TCTN3: variants seen among roughly 807,000 people sequenced by gnomAD.
TCTN3 encodes tectonic family member 3, also known as tectonic-3.
TCTN3 carries 57 observed loss-of-function variants against 71.3 expected under a neutral mutation model. That is an observed-to-expected ratio of 0.80 (90% confidence interval 0.65 to 1.00). TCTN3 has a LOEUF of 1.00. Ranked by LOEUF, TCTN3 falls within the 50% of genes least tolerant of loss-of-function variation. The probability of loss-of-function intolerance (pLI) is 0.00; values close to 1 mark genes in which losing one functional copy is unlikely to be tolerated. For synonymous variants in TCTN3, 258 were observed against 267.8 expected (o/e 0.96, Z 0.36); for missense variants, 696 against 719.9 (o/e 0.97, Z 0.38).
At chr10:95,679,836 C>T (rs893577829) in intron 13 of TCTN3, among the ~76,000 whole-genome samples, 4 of 151,954 alleles carry the variant, frequency 2.6e-5, no homozygotes, top group African/African-American at 9.7e-5. Context: ...GTGATCCGCC[C>T]GCCTCGGCCT....
intron 3 of TCTN3, among the ~76,000 whole-genome samples, chr10:95,689,794 C>T (rs767353751): frequency 9.2e-5 from 14 of 152,110 alleles, no homozygotes; most frequent in Admixed American, 6.5e-5. Flanking sequence ...AGCCTACAGA[C>T]CATCTGACCT....
At chr10:95,677,486 T>TTTTG (rs1555269142) in intron 13 of TCTN3, among the ~76,000 whole-genome samples, 35 of 133,756 alleles carry the variant, frequency 2.6e-4, no homozygotes, top group East Asian at 1.8e-3. Flanking sequence ...TTTTTTTGTT[T>TTTTG]TTTTTTTTTT....
chr10:95,677,345 G>C (rs1355732094), intron 13 of TCTN3, among the ~76,000 whole-genome samples: 1 of 152,000 alleles, frequency 6.6e-6, no homozygotes, highest in Non-Finnish European at 1.5e-5. Context: ...TACCTCATGG[G>C]TTTGTTGTGA....
At chr10:95,668,619 G>GA (rs1405280004) in intron 13 of TCTN3, among the ~76,000 whole-genome samples, 1 of 149,404 alleles carries the variant, frequency 6.7e-6, no homozygotes, top group Admixed American at 6.9e-5. Context: ...GTGAACTAAA[G>GA]AAAAAAAATA....
chr10:95,665,048 C>G (rs561297753), intron 13 of TCTN3, among the ~76,000 whole-genome samples: 1 of 152,328 alleles, frequency 6.6e-6, no homozygotes, highest in Non-Finnish European at 1.5e-5. Context: ...TCTTTGGCAA[C>G]AGTAAGTACC....
chr10:95,691,836 A>G (rs1291561640), intron 3 of TCTN3, among the ~76,000 whole-genome samples: 1 of 152,202 alleles, frequency 6.6e-6, no homozygotes, highest in Non-Finnish European at 1.5e-5. Context: ...GAGCGCTTTC[A>G]TATACAAAGC....
At chr10:95,686,742 A>G (rs1036512908) in intron 6 of TCTN3, among the ~76,000 whole-genome samples, 2 of 152,164 alleles carry the variant, frequency 1.3e-5, no homozygotes, top group East Asian at 1.9e-4. Flanking sequence ...TGTGATGCCT[A>G]TTTACTCTGA....
chr10:95,664,373 A>G, intron 13 of TCTN3, 73 bp from the exon 14 acceptor site: 1 of 1,251,820 alleles, frequency 8.0e-7, no homozygotes, highest in Non-Finnish European at 1.2e-6. Context: ...GGCTGTTATT[A>G]TTACTTTCCC....
Position 95,664,001 on chromosome 10 carries a change from G to C in TCTN3, c.*66C>G. ...TCATGAGCAGGTGAGGTTCTATTTA[G>C]CCAAGATAAGTGGCTGCCTCAGAGT... is the stretch of plus-strand genomic sequence containing the variant. On this transcript the variant is annotated 3_prime_UTR_variant, in exon 14 of 14. Transcript: ENST00000371217. The C allele has an allele frequency of 1.4e-6, 2 of 1,391,184 alleles. No homozygotes were observed. The highest frequency in any genetic ancestry group is 1.8e-4 in the Middle Eastern group (1 of 5,572). 86.2% of individuals were successfully genotyped at this position (1,391,184 alleles called of 1,614,324 possible). A position where few individuals can be genotyped will look rare whatever the true frequency, so the allele number is the denominator to read the frequency against.
chr10:95,682,386 A>C lies in TCTN3; in HGVS notation c.1452+265T>G, dbSNP rs2097943856. On this transcript the variant is annotated intron_variant, in intron 12 of 13. Transcript: ENST00000371217. ...GTGCCTGCAGTCCCAGCTACTCGGG[A>C]GGCTGAGTGAGGCAGGAGAATCCCT... Among the ~76,000 whole-genome samples, 5 of 151,954 alleles carry C rather than the reference A, an allele frequency of 3.3e-5. No homozygotes were observed. The South Asian group carries it at 1.0e-3, about 32-fold the overall frequency.
intron 3 of TCTN3, among the ~76,000 whole-genome samples, chr10:95,689,908 G>A (rs1172965825): frequency 6.6e-6 from 1 of 152,138 alleles, no homozygotes; most frequent in Non-Finnish European, 1.5e-5. Flanking sequence ...TATTCCTGGT[G>A]TTTTTTCCCC....
intron 13 of TCTN3, among the ~76,000 whole-genome samples, chr10:95,670,134 G>A (rs186017284): frequency 4.0e-4 from 60 of 150,208 alleles, no homozygotes; most frequent in Admixed American, 1.4e-3. Context: ...CCATCACATG[G>A]TAATTAGGAT....
At chr10:95,665,359 A>G (rs1192297885) in intron 13 of TCTN3, among the ~76,000 whole-genome samples, 1 of 151,990 alleles carries the variant, frequency 6.6e-6, no homozygotes, top group Admixed American at 6.6e-5. Flanking sequence ...GCTCACTGCA[A>G]CCTCTGCCTC....
At chr10:95,682,861 A>G in intron 11 of TCTN3, 57 bp from the exon 12 acceptor site, 2 of 1,555,610 alleles carry the variant, frequency 1.3e-6, no homozygotes, top group Non-Finnish European at 1.7e-6. Flanking sequence ...ATATACCTAT[A>G]TTAGTACGGT....
intron 6 of TCTN3, 26 bp downstream of exon 6, chr10:95,687,018 A>G: frequency 6.5e-7 from 1 of 1,547,918 alleles, no homozygotes. Context: ...TAGTAGTGAC[A>G]GTGTAGGGAG....
rs57605155 is a variant in TCTN3, at chr10:95,677,491, T to TG, written c.1590+2980_1590+2981insC. Among the ~76,000 whole-genome samples, 72 of 146,172 alleles carry TG rather than the reference T, an allele frequency of 4.9e-4. 2 individuals are homozygous for TG. In the East Asian group the frequency reaches 7.2e-3, roughly 15 times the overall value. On this transcript the variant is annotated intron_variant, in intron 13 of 13. Coordinates refer to ENST00000371217, the MANE Select transcript of TCTN3 (RefSeq NM_015631.6). The stretch of plus-strand genomic sequence containing the variant: ...AGTCTACAGTTTTTTTTGTTTTTTT[T>TG]TTTTTTTTTTGCTGTATTTTCCCTC...
intron 3 of TCTN3, among the ~76,000 whole-genome samples, chr10:95,689,657 G>A (rs983557698): frequency 1.3e-5 from 2 of 152,108 alleles, no homozygotes; most frequent in African/African-American, 4.8e-5. Context: ...AGATATTGGC[G>A]GTAGTGATGG....
At chr10:95,687,788 A>C in intron 3 of TCTN3, 69 bp from the exon 4 acceptor site, 1 of 1,546,834 alleles carries the variant, frequency 6.5e-7, no homozygotes, top group Non-Finnish European at 8.7e-7. Flanking sequence ...AATTTTAAAA[A>C]ATATTTTTAT....
rs746625231 is a variant in TCTN3 at position 95,687,660 on chromosome 10, C to A, written c.559G>T (p.Ala187Ser). 1 of 1,614,050 alleles carries A rather than the reference C, an allele frequency of 6.2e-7. No individual in the cohort carries two copies. Among genetic ancestry groups the A allele is most frequent in the South Asian group, 1.1e-5 (1 of 91,072 alleles). ...KVNATNFQAL[A>S]AEFGGESFTS... ...AATGATTCGCCTCCAAACTCTGCAG[C>A]CAGGGCCTGGAAGTTGGTTGCATTG... is the stretch of plus-strand genomic sequence containing the variant. Residue 187 changes from alanine (A) to serine (S), a missense_variant, in exon 4 of 14, where the codon GCT becomes TCT. Transcript: ENST00000371217.
Sources: allele counts gnomAD v4.1 joint callset (sites outside exome capture counted in the v4.1 genomes callset), GRCh38; gene constraint gnomAD v4.1.1; transcripts MANE v1.5; gene names NCBI Gene and HGNC (gene_info 2026-07-23, HGNC 2026-07-21).